The following NNT variants were observed in gnomAD, a reference collection of about 807,000 sequenced individuals.
The protein encoded by NNT is nicotinamide nucleotide transhydrogenase, also known as NAD(P) transhydrogenase, mitochondrial.
NNT carries 50 observed loss-of-function variants against 104.8 expected under a neutral mutation model. The ratio of observed to expected loss-of-function variants is 0.48; its 90% CI spans 0.38 to 0.60. The LOEUF (loss-of-function observed/expected upper bound fraction) is 0.60. Ranked by LOEUF, NNT falls within the 20% of genes least tolerant of loss-of-function variation. The probability of loss-of-function intolerance (pLI) is 0.00; values close to 1 mark genes in which losing one functional copy is unlikely to be tolerated. For synonymous variants in NNT, 461 were observed against 490.4 expected, an observed-to-expected ratio of 0.94 and a Z score of 0.79; for missense variants, 1,131 against 1,330.7, an observed-to-expected ratio of 0.85 and a Z score of 2.33.
At chr5:43,694,859 G>A (rs71629193) in intron 19 of NNT, among the ~76,000 whole-genome samples, 5,649 of 150,520 alleles carry the variant, frequency 0.038, 211 homozygotes, top group East Asian at 0.2. Context: ...TGGTTTTTTC[G>A]AATCATTTCT....
rs577888251 is a variant in NNT, at chr5:43,677,866, G to A, written c.2876+60G>A. On this transcript the variant is annotated intron_variant, in intron 19 of 21. Coordinates refer to ENST00000344920, the MANE Select transcript of NNT (RefSeq NM_182977.3). ...GTAAAGATGTGTGTGTGGAGAAAAG[G>A]AAATACAGTGGACCCTTGAACAATG... is the stretch of plus-strand genomic sequence containing the variant. 24 of 1,291,872 alleles carry A rather than the reference G, an allele frequency of 1.9e-5. No individual in the cohort carries two copies. In the African/African-American group the frequency reaches 3.2e-4, roughly 17 times the overall value. The allele number at this position is 1,291,872 out of a possible 1,614,324, so 80.0% of individuals were successfully genotyped here.
chr5:43,610,713 G>A (rs1322418149), intron 2 of NNT, among the ~76,000 whole-genome samples: 1 of 152,148 alleles, frequency 6.6e-6, no homozygotes, highest in African/African-American at 2.4e-5. Context: ...GTCCCTACAA[G>A]CCTCCAACTT....
At chr5:43,644,052 A>ATGGT in intron 7 of NNT, 140 bp from the exon 8 acceptor site, 1 of 725,002 alleles carries the variant, frequency 1.4e-6, no homozygotes, top group Non-Finnish European at 2.2e-6. Flanking sequence ...CACCCATGCT[A>ATGGT]TGGTCTTTAG....
chr5:43,641,049 T>G (rs7716562), intron 7 of NNT, among the ~76,000 whole-genome samples: 6,520 of 152,084 alleles, frequency 0.043, 165 homozygotes, highest in East Asian at 0.12. Context: ...AGAGTTTAAC[T>G]TATGGTATTA....
At chr5:43,677,870 T>C (rs1200044349) in intron 19 of NNT, 64 bp downstream of exon 19, 1 of 1,259,388 alleles carries the variant, frequency 7.9e-7, no homozygotes, top group Admixed American at 1.7e-5. Context: ...GAAAAGGAAA[T>C]ACAGTGGACC....
In NNT at chr5:43,706,740, G is replaced by A; in HGVS notation, c.*2336G>A. The A allele has an allele frequency of 6.6e-6, 1 of 152,176 alleles. No homozygotes were observed. Among genetic ancestry groups the A allele is most frequent in the Non-Finnish European group, 1.5e-5 (1 of 68,044 alleles). The allele number at this position is 152,176 out of a possible 1,614,324, so 9.4% of individuals were successfully genotyped here. A position where few individuals can be genotyped will look rare whatever the true frequency, so the allele number is the denominator to read the frequency against. ...CCAACCCAAATGTCCATCAATGATA[G>A]ACTTGATTAAGAAAATGTGCACATA... On this transcript the variant is annotated 3_prime_UTR_variant, in exon 22 of 22. Transcript: ENST00000344920.
intron 2 of NNT, among the ~76,000 whole-genome samples, chr5:43,609,662 A>G (rs1749406408): frequency 6.6e-6 from 1 of 152,204 alleles, no homozygotes; most frequent in Non-Finnish European, 1.5e-5. Context: ...CCTTGTTAGT[A>G]TTTGAGAATT....
intron 4 of NNT, among the ~76,000 whole-genome samples, chr5:43,616,996 C>T (rs1245422201): frequency 6.6e-6 from 1 of 152,068 alleles, no homozygotes; most frequent in Admixed American, 6.5e-5. Context: ...ATGAATAAAG[C>T]CTTCTATAGC....
At chr5:43,681,762 C>T (rs778291980) in intron 19 of NNT, among the ~76,000 whole-genome samples, 2 of 152,188 alleles carry the variant, frequency 1.3e-5, no homozygotes, top group African/African-American at 2.4e-5. Context: ...TCTGCTATAT[C>T]CTTCTACTAA....
At chr5:43,695,524 G>T (rs1742512219) in intron 19 of NNT, among the ~76,000 whole-genome samples, 2 of 152,178 alleles carry the variant, frequency 1.3e-5, no homozygotes, top group Non-Finnish European at 2.9e-5. Context: ...TTCACTTTGA[G>T]GGACTGAGGC....
At chr5:43,605,018 A>G (rs1439139779) in intron 1 of NNT, among the ~76,000 whole-genome samples, 2 of 152,092 alleles carry the variant, frequency 1.3e-5, no homozygotes, top group Non-Finnish European at 2.9e-5. Context: ...AAGTACAGGG[A>G]AGTTAAGTGA....
At chr5:43,676,834 G>C (rs561953013) in intron 18 of NNT, among the ~76,000 whole-genome samples, 1 of 152,162 alleles carries the variant, frequency 6.6e-6, no homozygotes, top group African/African-American at 2.4e-5. Flanking sequence ...ATGAAGGTTT[G>C]TAGGGAGGCG....
intron 19 of NNT, among the ~76,000 whole-genome samples, chr5:43,689,978 T>TA (rs943690191): frequency 2.4e-4 from 36 of 150,532 alleles, no homozygotes; most frequent in East Asian, 5.8e-4. Flanking sequence ...AAAAAAGCAT[T>TA]AAAAAAAAAT....
intron 11 of NNT, 68 bp from the exon 12 acceptor site, chr5:43,650,409 C>T (rs1739693714): frequency 1.8e-6 from 2 of 1,139,148 alleles, no homozygotes; most frequent in African/African-American, 1.5e-5. Flanking sequence ...ATGTGAGGTA[C>T]TTCAGCTATG....
At chr5:43,678,533 C>A (rs1328803329) in intron 19 of NNT, among the ~76,000 whole-genome samples, 1 of 152,056 alleles carries the variant, frequency 6.6e-6, no homozygotes, top group Non-Finnish European at 1.5e-5. Context: ...TCTTGTTTCT[C>A]TGTGGTTTGA....
intron 2 of NNT, among the ~76,000 whole-genome samples, chr5:43,611,090 C>T (rs903464129): frequency 2.9e-5 from 4 of 139,606 alleles, no homozygotes; most frequent in Non-Finnish European, 6.3e-5. Flanking sequence ...CTCCCTCCCT[C>T]CCTGCCTCCC....
chr5:43,631,384 T>C (rs1359680120), intron 7 of NNT, among the ~76,000 whole-genome samples: 2 of 152,188 alleles, frequency 1.3e-5, no homozygotes, highest in Non-Finnish European at 2.9e-5. Context: ...CAGTGGCTCC[T>C]GGCTCAGCTG....
chr5:43,654,062 T>G (rs1445871360), intron 14 of NNT, among the ~76,000 whole-genome samples: 2 of 152,194 alleles, frequency 1.3e-5, no homozygotes, highest in African/African-American at 2.4e-5. Flanking sequence ...GAAACAAAGT[T>G]AATAATATTA....
intron 19 of NNT, among the ~76,000 whole-genome samples, chr5:43,680,930 A>G (rs1741675042): frequency 6.6e-6 from 1 of 152,062 alleles, no homozygotes; most frequent in African/African-American, 2.4e-5. Flanking sequence ...TGGACTGATT[A>G]TATGATAGGC....
Sources: gnomAD v4.1 joint callset for allele counts (sites outside exome capture counted in the v4.1 genomes callset) on GRCh38, gnomAD v4.1.1 for gene constraint, MANE v1.5 for transcripts, NCBI Gene and HGNC (gene_info 2026-07-23, HGNC 2026-07-21) for gene names.